Variants in ZNF471 observed in about 807,000 individuals in gnomAD.
ZNF471 encodes the protein EZFIT-related protein 1.
Under a neutral mutation model 13.7 loss-of-function variants are expected in ZNF471, and 7 were observed. The observed-to-expected ratio is 0.51, with a 90% confidence interval of 0.29 to 0.96. The LOEUF (loss-of-function observed/expected upper bound fraction) is 0.96, where lower values mean the gene tolerates loss of function less well. Among genes scored for constraint, ZNF471 ranks in the 40% least tolerant of loss-of-function variants. The pLI, the probability that ZNF471 is intolerant of heterozygous loss-of-function variation, is 0.08. For synonymous variants in ZNF471, 218 were observed against 235.6 expected, an observed-to-expected ratio of 0.93 and a Z score of 0.68; for missense variants, 663 against 743.3, an observed-to-expected ratio of 0.89 and a Z score of 1.26.
chr19:56,524,338 T>A lies in ZNF471; in HGVS notation c.271T>A (p.Tyr91Asn). The A allele has an allele frequency of 6.4e-7, 1 of 1,567,238 alleles. No individual in the cohort carries two copies. Residue 91 changes from tyrosine to asparagine, a missense_variant, in exon 5 of 5, where the codon TAT becomes AAT. Transcript: ENST00000308031. The surrounding 1 kb of genome is among the most constrained non-coding windows in gnomAD (Gnocchi z 4.8). ...ATATCTTTCAGATTGGGAATCTATA[T>A]ATGTGACACAGGAATTACCTCTGAA... is the stretch of plus-strand genomic sequence containing the variant. ...RSPFSDWESI[Y>N]VTQELPLKQF...
At position 56,508,238 on chromosome 19, in the gene ZNF471, TG is replaced by T. The variant is rs2147896837; in HGVS notation, c.-56+319del. 7.6e-6 allele frequency: 7 copies of T among 915,054 alleles called. No homozygotes were observed. The South Asian group carries it at 3.5e-4, about 46-fold the overall frequency. The allele number at this position is 915,054 out of a possible 1,614,324, so 56.7% of individuals were successfully genotyped here. ...TGAGAGGGTGTGGTTTCTGTGTGTG[TG>T]TGTGTGTGTGTGTGACAGACCGAGA... On this transcript the variant is annotated intron_variant, in intron 1 of 4. Coordinates refer to ENST00000308031, the MANE Select transcript of ZNF471 (RefSeq NM_020813.4). This position sits in a 1 kb window ranked among gnomAD's most constrained non-coding sequence, Gnocchi z 4.7.
At chr19:56,509,975 G>T in intron 1 of ZNF471, 2 of 985,632 alleles carry the variant, frequency 2.0e-6, no homozygotes, top group Non-Finnish European at 2.4e-6. Flanking sequence ...AAGATCATGT[G>T]TGTGTCTGAG....
At chr19:56,518,390 A>T in intron 3 of ZNF471, 92 bp from the exon 4 acceptor site, 1 of 917,622 alleles carries the variant, frequency 1.1e-6, no homozygotes, top group Non-Finnish European at 1.7e-6. Flanking sequence ...TAGTATTCCT[A>T]CTATATCATT....
In ZNF471 at chr19:56,524,820, A is replaced by G. The variant is rs934420781; in HGVS notation, c.753A>G (p.Gln251=). 6.2e-7 allele frequency: 1 copy of G among 1,612,684 alleles called. No homozygotes were observed. Among genetic ancestry groups the G allele is most frequent in the Non-Finnish European group, 8.5e-7 (1 of 1,179,500 alleles). Residue 251 remains glutamine (Q), a synonymous_variant, in exon 5 of 5, where the codon CAA becomes CAG. Transcript: ENST00000308031. This position sits in a 1 kb window ranked among gnomAD's most constrained non-coding sequence, Gnocchi z 4.8. ...TCAAGCAAAGGCAACACCTTGCTCA[A>G]CATCACAGAACACATACTGGAGAGA... ...KAFKQRQHLA[Q]HHRTHTGEKL...
In ZNF471 at chr19:56,529,728, T is replaced by A. The variant is rs1448166251; in HGVS notation, c.*3780T>A. 1 of 152,242 alleles carries A rather than the reference T, an allele frequency of 6.6e-6. No homozygotes were observed. The highest frequency in any genetic ancestry group is 1.5e-5 in the Non-Finnish European group (1 of 68,034). The allele number at this position is 152,242 out of a possible 1,614,324, so 9.4% of individuals were successfully genotyped here. ...CACTAATGATCAGATAAGTGCAGAT[T>A]GTAAAAGTCCTCATCCCCACCAACA... On this transcript the variant is annotated 3_prime_UTR_variant, in exon 5 of 5. Coordinates refer to ENST00000308031, the MANE Select transcript of ZNF471 (RefSeq NM_020813.4).
intron 2 of ZNF471, among the ~76,000 whole-genome samples, chr19:56,515,701 A>G (rs2043876470): frequency 6.6e-6 from 1 of 152,318 alleles, no homozygotes; most frequent in Non-Finnish European, 1.5e-5. Context: ...AACTTTTAAA[A>G]TTTCTTACAA....
At chr19:56,515,962 A>G (rs1349247798) in intron 2 of ZNF471, among the ~76,000 whole-genome samples, 1 of 152,178 alleles carries the variant, frequency 6.6e-6, no homozygotes, top group East Asian at 1.9e-4. Flanking sequence ...ATGGAGTATC[A>G]TTTGAAAAAT....
chr19:56,525,860 C>A lies in ZNF471; in HGVS notation c.1793C>A (p.Pro598His). 6.2e-7 allele frequency: 1 copy of A among 1,608,166 alleles called. No homozygotes were observed. Among genetic ancestry groups the A allele is most frequent in the Non-Finnish European group, 8.5e-7 (1 of 1,178,460 alleles). ...QHQRLHTGQR[P>H]YQCFECGKAF... ...CAAAGACTCCACACTGGCCAAAGGC[C>A]CTATCAGTGTTTTGAATGTGGGAAG... The change falls in exon 5 of 5, where the codon CCC becomes CAC. Residue 598 changes from proline (P) to histidine (H), a missense_variant. Pro to His is a moderately conservative substitution (Grantham distance 77). Coordinates refer to ENST00000308031, the MANE Select transcript of ZNF471 (RefSeq NM_020813.4).
Position 56,508,049 on chromosome 19 carries a change from C to T in ZNF471, c.-56+129C>T. 2.0e-6 allele frequency: 2 copies of T among 985,742 alleles called. No homozygotes were observed. Among genetic ancestry groups the T allele is most frequent in the Non-Finnish European group, 2.4e-6 (2 of 830,080 alleles). The allele number at this position is 985,742 out of a possible 1,614,324, so 61.1% of individuals were successfully genotyped here. A position where few individuals can be genotyped will look rare whatever the true frequency, so the allele number is the denominator to read the frequency against. On this transcript the variant is annotated intron_variant, in intron 1 of 4. Coordinates refer to ENST00000308031, the MANE Select transcript of ZNF471 (RefSeq NM_020813.4). The surrounding 1 kb of genome is among the most constrained non-coding windows in gnomAD (Gnocchi z 4.7). The stretch of plus-strand genomic sequence containing the variant: ...CTGTCCCCAGGACGACTACATTTCC[C>T]AGAGGCCAGCGGGGCGCGCGTACTC...
intron 1 of ZNF471, chr19:56,511,093 TTG>T (rs201209102): frequency 0.018 from 15,188 of 838,772 alleles, 21 homozygotes; most frequent in Non-Finnish European, 0.02. Flanking sequence ...CCTTTTTCTT[TTG>T]TTTTTTTTTT....
intron 4 of ZNF471, among the ~76,000 whole-genome samples, 162 bp downstream of exon 4, chr19:56,518,739 T>C (rs941748878): frequency 1.3e-5 from 2 of 152,144 alleles, no homozygotes; most frequent in East Asian, 1.9e-4. Context: ...CCCTCAAATA[T>C]CTTCTCTTCC....
In ZNF471 at chr19:56,527,614, GT is replaced by G. The variant is rs1276560664; in HGVS notation, c.*1669del. 1 of 152,198 alleles carries G rather than the reference GT, an allele frequency of 6.6e-6. No homozygotes were observed. Among genetic ancestry groups the G allele is most frequent in the African/African-American group, 2.4e-5 (1 of 41,454 alleles). 9.4% of individuals were successfully genotyped at this position (152,198 alleles called of 1,614,324 possible). On this transcript the variant is annotated 3_prime_UTR_variant, in exon 5 of 5. Coordinates refer to ENST00000308031, the MANE Select transcript of ZNF471 (RefSeq NM_020813.4). ...GAGGAATTGCTAACTAGAATAACCA[GT>G]TTAGAGAAGAACATAAATGACCTGA...
In ZNF471 at chr19:56,510,680, T is replaced by C. The variant is rs182962247; in HGVS notation, c.-55-837T>C. On this transcript the variant is annotated intron_variant, in intron 1 of 4. Coordinates refer to ENST00000308031, the MANE Select transcript of ZNF471 (RefSeq NM_020813.4). This position sits in a 1 kb window ranked among gnomAD's most constrained non-coding sequence, Gnocchi z 4.3. ...TGTATGTCACCCTGTATACCCATAA[T>C]TGTGGCCCTGTATGACTGCTGTGTA... 452 of 985,616 alleles carry C rather than the reference T, an allele frequency of 4.6e-4. No individual in the cohort carries two copies. The Middle Eastern group carries it at 9.4e-3, about 21-fold the overall frequency. The allele number at this position is 985,616 out of a possible 1,614,324, so 61.1% of individuals were successfully genotyped here.
At chr19:56,513,859 T>G (rs1436936668) in intron 2 of ZNF471, among the ~76,000 whole-genome samples, 2 of 152,110 alleles carry the variant, frequency 1.3e-5, no homozygotes, top group African/African-American at 4.8e-5. Flanking sequence ...AAAATAAATT[T>G]TATTTTTTAG....
chr19:56,514,980 C>A (rs1175924907), intron 2 of ZNF471, among the ~76,000 whole-genome samples: 2 of 152,010 alleles, frequency 1.3e-5, no homozygotes, highest in Non-Finnish European at 2.9e-5. Context: ...TTATCTGATA[C>A]CTTGCAATAA....
In ZNF471 at chr19:56,516,333, T is replaced by A. The variant is rs778864050; in HGVS notation, c.92T>A (p.Met31Lys). The A allele has an allele frequency of 6.2e-7, 1 of 1,613,960 alleles. No individual in the cohort carries two copies. The highest frequency in any genetic ancestry group is 8.5e-7 in the Non-Finnish European group (1 of 1,179,868). Residue 31 changes from methionine to lysine, a missense_variant, in exon 3 of 5, where the codon ATG becomes AAG. Physicochemically the swap from Met to Lys is moderately conservative, Grantham distance 95. Coordinates refer to ENST00000308031, the MANE Select transcript of ZNF471 (RefSeq NM_020813.4). The surrounding 1 kb of genome is among the most constrained non-coding windows in gnomAD (Gnocchi z 4.4). The part of the protein sequence containing the change: ...IDFSQEEWQW[M>K]NPAQKRLYRS... Reference sequence around the variant, plus strand: ...TTTTCCCAGGAAGAATGGCAATGGATGAACCCTGCTCAGAAGCGTTTATAC... The same window carrying A: ...TTTTCCCAGGAAGAATGGCAATGGAAGAACCCTGCTCAGAAGCGTTTATAC...
chr19:56,524,075 C>T lies in ZNF471; in HGVS notation c.257-249C>T, dbSNP rs1568475414. On this transcript the variant is annotated intron_variant, in intron 4 of 4. Coordinates refer to ENST00000308031, the MANE Select transcript of ZNF471 (RefSeq NM_020813.4). The surrounding 1 kb of genome is among the most constrained non-coding windows in gnomAD (Gnocchi z 4.8). ...CTGGGCTCAAGCAATCCACCTCAGC[C>T]TCCTAAAGTGCTGGGATTATAGGCC... Among the ~76,000 whole-genome samples, 1 of 152,146 alleles carries T rather than the reference C, an allele frequency of 6.6e-6. No homozygotes were observed. Among genetic ancestry groups the T allele is most frequent in the African/African-American group, 2.4e-5 (1 of 41,428 alleles).
Position 56,524,771 on chromosome 19 carries a change from CA to C in ZNF471, c.705del (p.Cys236ValfsTer153), listed in dbSNP as rs1296597511. The C allele has an allele frequency of 6.2e-6, 10 of 1,612,898 alleles. No homozygotes were observed. Among genetic ancestry groups the C allele is most frequent in the African/African-American group, 1.3e-5 (1 of 74,844 alleles). ...ATTCATACTGGTGAAAAACCATATGCATGTGAGGAATGTGGAAAAGCCTTCA... is the reference window on the plus strand; with the variant it reads ...ATTCATACTGGTGAAAAACCATATGCTGTGAGGAATGTGGAAAAGCCTTCA... ...FRIHTGEKPY[A>X]CEECGKAFKQ... On this transcript the variant is annotated frameshift_variant, in exon 5 of 5. Coordinates refer to ENST00000308031, the MANE Select transcript of ZNF471 (RefSeq NM_020813.4). LOFTEE classifies it low-confidence loss of function (END_TRUNC). This position sits in a 1 kb window ranked among gnomAD's most constrained non-coding sequence, Gnocchi z 4.8.
At chr19:56,517,075 A>C (rs1455505089) in intron 3 of ZNF471, among the ~76,000 whole-genome samples, 1 of 150,592 alleles carries the variant, frequency 6.6e-6, no homozygotes, top group Non-Finnish European at 1.5e-5. Context: ...ATTGTGCCCT[A>C]GGTAACTAAG....
Sources: gnomAD v4.1 joint callset for allele counts (sites outside exome capture counted in the v4.1 genomes callset) on GRCh38, gnomAD v4.1.1 for gene constraint, Gnocchi (gnomAD v3.1) non-coding constraint, MANE v1.5 for transcripts, NCBI Gene and HGNC (gene_info 2026-07-23, HGNC 2026-07-21) for gene names.